INTS4: variants seen among roughly 807,000 people sequenced by gnomAD.
The protein encoded by INTS4 is MSTP093.
Under a neutral mutation model 119.5 loss-of-function variants are expected in INTS4, and 70 were observed. The ratio of observed to expected loss-of-function variants is 0.59; its 90% CI spans 0.48 to 0.71. The LOEUF (loss-of-function observed/expected upper bound fraction) is 0.71. INTS4 is among the 30% of genes least tolerant of loss of function. The pLI, the probability that INTS4 is intolerant of heterozygous loss-of-function variation, is 0.00. For synonymous variants in INTS4, 316 were observed against 419.6 expected, an observed-to-expected ratio of 0.75 and a Z score of 3.02; for missense variants, 867 against 1,173.2, an observed-to-expected ratio of 0.74 and a Z score of 3.81.
chr11:77,991,291 C>T lies in INTS4; in HGVS notation c.63G>A (p.Glu21=), dbSNP rs1856677286. 1 of 1,612,916 alleles carries T rather than the reference C, an allele frequency of 6.2e-7. No homozygotes were observed. Among genetic ancestry groups the T allele is most frequent in the Non-Finnish European group, 8.5e-7 (1 of 1,178,976 alleles). Reference sequence around the variant, plus strand: ...GTCGGAGTTTCTTAGTAGCAATTTCCTCCTGTGGCTGCAAGGGGTAGAGAA... The same window carrying T: ...GTCGGAGTTTCTTAGTAGCAATTTCTTCCTGTGGCTGCAAGGGGTAGAGAA... The part of the protein sequence containing the change: ...EEFTKVVQPQ[E]EIATKKLRLT... Residue 21 remains glutamate (E), a synonymous_variant, in exon 2 of 23, where the codon GAG becomes GAA. Coordinates refer to ENST00000534064, the MANE Select transcript of INTS4 (RefSeq NM_033547.4).
Position 77,907,775 on chromosome 11 carries a change from A to G in INTS4, c.1958T>C (p.Leu653Ser). 1 of 1,613,870 alleles carries G rather than the reference A, an allele frequency of 6.2e-7. No individual in the cohort carries two copies. The highest frequency in any genetic ancestry group is 1.1e-5 in the South Asian group (1 of 91,062). The change falls in exon 16 of 23, where the codon TTG becomes TCG. Residue 653 changes from leucine to serine, a missense_variant. Transcript: ENST00000534064. ...GGCAGAGAAATCAGCTACTCCTGCC[A>G]ATTCAGATTGAAGTTCTCCAAGTCT... ...LQRLGELQSE[L>S]AGVADFSATY...
At chr11:77,898,758 G>T (rs886190805) in intron 18 of INTS4, among the ~76,000 whole-genome samples, 1 of 152,194 alleles carries the variant, frequency 6.6e-6, no homozygotes, top group African/African-American at 2.4e-5. Context: ...GGTAGCTCAC[G>T]CCTGGAATCC....
rs532440350 is a variant in INTS4, at chr11:77,880,924, A to AAAAC, written c.2714-1801_2714-1798dup. 2.8e-3 allele frequency among the ~76,000 whole-genome samples: 431 copies of AAAAC among 152,256 alleles called. 2 individuals are homozygous for AAAAC. Among genetic ancestry groups the AAAAC allele is most frequent in the East Asian group, 8.9e-3 (46 of 5,188 alleles). On this transcript the variant is annotated intron_variant, in intron 22 of 22. Coordinates refer to ENST00000534064, the MANE Select transcript of INTS4 (RefSeq NM_033547.4). ...GGGCAACAGAAGGAAACCCTGTCTC[A>AAAAC]AAACAAACAAACAAACAAACAAAAA...
At chr11:77,877,143 G>C (rs1187537024), downstream of INTS4, 5 of 653,972 alleles carry the variant, frequency 7.6e-6, no homozygotes, top group Non-Finnish European at 1.4e-5. Context: ...AGACTGCCTG[G>C]AAATAGACTG....
chr11:77,987,308 T>C (rs1358215280), intron 2 of INTS4: 2 of 161,084 alleles, frequency 1.2e-5, no homozygotes, highest in African/African-American at 2.4e-5. Context: ...CTGGGTGACC[T>C]TGGATACTAA....
chr11:77,922,340 T>C lies in INTS4; in HGVS notation c.1630+16A>G, dbSNP rs1390995795. The C allele has an allele frequency of 2.7e-6, 4 of 1,498,382 alleles. No homozygotes were observed. The highest frequency in any genetic ancestry group is 1.4e-5 in the African/African-American group (1 of 71,634). The allele number at this position is 1,498,382 out of a possible 1,614,324, so 92.8% of individuals were successfully genotyped here. On this transcript the variant is annotated intron_variant, in intron 13 of 22. Coordinates refer to ENST00000534064, the MANE Select transcript of INTS4 (RefSeq NM_033547.4). ...CCTGCCAACACATCAGGGCCCATCC[T>C]AAGCACAGAGGATACAAGCTGGATC...
chr11:77,969,862 C>G (rs920652750), intron 4 of INTS4, among the ~76,000 whole-genome samples: 4 of 151,872 alleles, frequency 2.6e-5, no homozygotes, highest in African/African-American at 9.7e-5. Flanking sequence ...CTTTCTGTCT[C>G]TATAGACTTA....
intron 18 of INTS4, among the ~76,000 whole-genome samples, chr11:77,896,871 G>A (rs1471031042): frequency 8.0e-5 from 12 of 150,560 alleles, no homozygotes; most frequent in African/African-American, 2.4e-4. Flanking sequence ...AGATCAGCAA[G>A]AATATTGAAA....
At position 77,948,665 on chromosome 11, in the gene INTS4, A is replaced by C. The variant is rs1290454077; in HGVS notation, c.918+7277T>G. Reference sequence around the variant, plus strand: ...CTGTCTCAAAGAAACAAAAAAAAAAAAACAAAAAAAAAAAAGAAGAAGAAG... The same window carrying C: ...CTGTCTCAAAGAAACAAAAAAAAAACAACAAAAAAAAAAAAGAAGAAGAAG... On this transcript the variant is annotated intron_variant, in intron 8 of 22. Transcript: ENST00000534064. 1.5e-4 allele frequency among the ~76,000 whole-genome samples: 12 copies of C among 79,756 alleles called. 1 individual carries two copies. Among genetic ancestry groups the C allele is most frequent in the Non-Finnish European group, 2.9e-4 (12 of 41,178 alleles). The allele number at this position is 79,756 out of a possible 152,430, so 52.3% of individuals were successfully genotyped here.
chr11:77,924,783 G>A lies in INTS4; in HGVS notation c.1481C>T (p.Thr494Ile), dbSNP rs1953454051. Residue 494 changes from threonine to isoleucine, a missense_variant, in exon 12 of 23, where the codon ACC (threonine) becomes ATC (isoleucine). Physicochemically the swap from Thr to Ile is moderately conservative, Grantham distance 89. Coordinates refer to ENST00000534064, the MANE Select transcript of INTS4 (RefSeq NM_033547.4). ...LALVELLKNL[T>I]KYPTDRDSIW... ...GGAGTCCCTATCAGTAGGGTACTTGGTTAAATTTTTCAGCAGCTCCACCAA... is the reference window on the plus strand; with the variant it reads ...GGAGTCCCTATCAGTAGGGTACTTGATTAAATTTTTCAGCAGCTCCACCAA... 1 of 1,608,918 alleles carries A rather than the reference G, an allele frequency of 6.2e-7. No homozygotes were observed. Among genetic ancestry groups the A allele is most frequent in the South Asian group, 1.1e-5 (1 of 90,974 alleles).
intron 4 of INTS4, among the ~76,000 whole-genome samples, chr11:77,967,948 A>G (rs1855566557): frequency 6.6e-6 from 1 of 152,216 alleles, no homozygotes; most frequent in African/African-American, 2.4e-5. Flanking sequence ...CAAACATCAG[A>G]GTGTACTTAC....
intron 4 of INTS4, among the ~76,000 whole-genome samples, chr11:77,972,537 C>A (rs1033800121): frequency 6.6e-6 from 1 of 152,020 alleles, no homozygotes; most frequent in Non-Finnish European, 1.5e-5. Context: ...CTGCCTCAGC[C>A]TCCCCAGTAG....
At chr11:77,923,278 A>G (rs954358218) in intron 12 of INTS4, among the ~76,000 whole-genome samples, 8 of 145,824 alleles carry the variant, frequency 5.5e-5, no homozygotes, top group Non-Finnish European at 1.0e-4. Context: ...TATTATGCCA[A>G]TGCACTCCAC....
Position 77,924,821 on chromosome 11 carries a change from C to T in INTS4, c.1443G>A (p.Gly481=), listed in dbSNP as rs1430877815. Residue 481 remains glycine, a synonymous_variant, in exon 12 of 23, where the codon GGG becomes GGA. Transcript: ENST00000534064. The part of the protein sequence containing the change: ...LCCTNVSTKE[G]IHLALVELLK... ...GCAGCTCCACCAATGCAAGATGAAT[C>T]CCTTCTTTGGTTGAAACATTAGTAC... 3 of 1,590,106 alleles carry T rather than the reference C, an allele frequency of 1.9e-6. No individual in the cohort carries two copies. Among genetic ancestry groups the T allele is most frequent in the Non-Finnish European group, 2.6e-6 (3 of 1,158,262 alleles).
chr11:77,976,861 G>A (rs892629800), intron 4 of INTS4, among the ~76,000 whole-genome samples: 10 of 152,062 alleles, frequency 6.6e-5, no homozygotes, highest in Admixed American at 2.6e-4. Flanking sequence ...TCACTCATAG[G>A]TGGGACCTGA....
chr11:77,992,466 T>A (rs1401927769), intron 1 of INTS4, among the ~76,000 whole-genome samples: 1 of 152,076 alleles, frequency 6.6e-6, no homozygotes, highest in Non-Finnish European at 1.5e-5. Flanking sequence ...TTTGGGAGGC[T>A]GAGGCAGGAG....
chr11:77,960,357 T>C lies in INTS4; in HGVS notation c.692A>G (p.Gln231Arg). 1.9e-6 allele frequency: 3 copies of C among 1,603,436 alleles called. No individual in the cohort carries two copies. The highest frequency in any genetic ancestry group is 2.6e-6 in the Non-Finnish European group (3 of 1,171,476). Reference protein sequence around the residue: ...QLHERGLKLHQTIYNQACKLL... With the variant: ...QLHERGLKLHRTIYNQACKLL... ...ATAAGGTACCTGATTATAAATTGTT[T>C]GGTGTAATTTCAGTCCTCTTTCATG... The change falls in exon 6 of 23, where the codon CAA becomes CGA. Residue 231 changes from glutamine (Q) to arginine (R), a missense_variant. Coordinates refer to ENST00000534064, the MANE Select transcript of INTS4 (RefSeq NM_033547.4).
At chr11:77,973,713 T>A (rs1262578498) in intron 4 of INTS4, among the ~76,000 whole-genome samples, 1 of 152,254 alleles carries the variant, frequency 6.6e-6, no homozygotes, top group Non-Finnish European at 1.5e-5. Flanking sequence ...ATTGTTATGA[T>A]CTTGTTTTTT....
At chr11:77,943,411 G>A (rs545402807) in intron 8 of INTS4, among the ~76,000 whole-genome samples, 4 of 152,250 alleles carry the variant, frequency 2.6e-5, no homozygotes, top group African/African-American at 9.6e-5. Flanking sequence ...TGGATTTAGG[G>A]GATGTCAAGA....
Sources: allele counts gnomAD v4.1 joint callset (sites outside exome capture counted in the v4.1 genomes callset), GRCh38; gene constraint gnomAD v4.1.1; transcripts MANE v1.5; gene names NCBI Gene and HGNC (gene_info 2026-07-23, HGNC 2026-07-21).